LSAMP: variants seen among roughly 807,000 people sequenced by gnomAD.
LSAMP encodes the protein limbic system-associated membrane protein.
In LSAMP, 7 loss-of-function variants were observed where a neutral mutation model predicts 38.6. That is an observed-to-expected ratio of 0.18 (90% CI 0.10 to 0.34). The LOEUF is 0.34. Ranked by LOEUF, LSAMP falls within the 10% of genes least tolerant of loss-of-function variation. LSAMP has a pLI of 1.00. For missense variants in LSAMP, 313 were observed against 420.0 expected, an observed-to-expected ratio of 0.75 and a Z score of 2.23; for synonymous variants, 154 against 166.8, an observed-to-expected ratio of 0.92 and a Z score of 0.59.
intron 3 of LSAMP, among the ~76,000 whole-genome samples, chr3:115,880,288 C>T (rs1936288353): frequency 6.6e-6 from 1 of 152,114 alleles, no homozygotes; most frequent in African/African-American, 2.4e-5. Context: ...TTAATGGCAT[C>T]ATGTTATAGA....
intron 1 of LSAMP, among the ~76,000 whole-genome samples, chr3:116,244,762 G>C (rs188569665): frequency 6.6e-6 from 1 of 152,116 alleles, no homozygotes; most frequent in East Asian, 1.9e-4. Context: ...ACACATAGTA[G>C]GTGTTTAATA....
intron 1 of LSAMP, among the ~76,000 whole-genome samples, chr3:116,143,008 A>C (rs907747588): frequency 4.0e-5 from 6 of 148,938 alleles, no homozygotes; most frequent in Non-Finnish European, 8.9e-5. Context: ...AATATAACTT[A>C]TTATATATAA....
At chr3:116,124,911 ATAAC>A (rs1215740068) in intron 1 of LSAMP, among the ~76,000 whole-genome samples, 2 of 152,246 alleles carry the variant, frequency 1.3e-5, no homozygotes, top group African/African-American at 4.8e-5. Context: ...TGCATAGTAA[ATAAC>A]TGACTGATTT....
At chr3:115,955,372 G>C (rs1486532085) in intron 3 of LSAMP, among the ~76,000 whole-genome samples, 7 of 151,914 alleles carry the variant, frequency 4.6e-5, no homozygotes, top group Non-Finnish European at 1.0e-4. Flanking sequence ...ATTTTTTCCT[G>C]ATAGTTTCTT....
intron 1 of LSAMP, among the ~76,000 whole-genome samples, chr3:116,392,611 G>A (rs946699096): frequency 2.6e-5 from 4 of 152,226 alleles, no homozygotes; most frequent in African/African-American, 7.2e-5. Flanking sequence ...AAGCTCCTGG[G>A]TGGAACCAGG....
At chr3:115,907,234 G>A (rs1460256258) in intron 3 of LSAMP, among the ~76,000 whole-genome samples, 4 of 151,894 alleles carry the variant, frequency 2.6e-5, no homozygotes, top group African/African-American at 9.7e-5. Flanking sequence ...CATTGCTAAG[G>A]TCTGAATGTT....
intron 1 of LSAMP, among the ~76,000 whole-genome samples, chr3:116,433,383 C>T (rs1159223464): frequency 6.6e-6 from 1 of 152,070 alleles, no homozygotes; most frequent in Non-Finnish European, 1.5e-5. Flanking sequence ...AACAGTAATG[C>T]ATTATTTTAT....
At chr3:116,178,579 G>A (rs902032294) in intron 1 of LSAMP, among the ~76,000 whole-genome samples, 4 of 152,126 alleles carry the variant, frequency 2.6e-5, no homozygotes, top group Admixed American at 1.3e-4. Flanking sequence ...GTATGAAATA[G>A]AGGAAATATA....
Position 116,144,212 on chromosome 3 carries a change from C to T in LSAMP, c.156-57656G>A, listed in dbSNP as rs186413087. Among the ~76,000 whole-genome samples, 575 of 152,012 alleles carry T rather than the reference C, an allele frequency of 3.8e-3. 2 individuals carry two copies. The highest frequency in any genetic ancestry group is 6.4e-3 in the Non-Finnish European group (438 of 67,926). On this transcript the variant is annotated intron_variant, in intron 1 of 6. Transcript: ENST00000490035. ...TTTGTGCAGGGCTTTATATATGCTT[C>T]CACTTAAGCTCATTAACTCTGTTGT...
At chr3:116,301,952 C>T (rs2047415355) in intron 1 of LSAMP, among the ~76,000 whole-genome samples, 1 of 152,174 alleles carries the variant, frequency 6.6e-6, no homozygotes, top group Non-Finnish European at 1.5e-5. Context: ...ACATTTCCAT[C>T]ACCCAGAGCA....
chr3:115,847,308 A>C (rs1935190932), intron 4 of LSAMP, among the ~76,000 whole-genome samples: 1 of 152,232 alleles, frequency 6.6e-6, no homozygotes, highest in Non-Finnish European at 1.5e-5. Context: ...CAGAGGATGT[A>C]GGCCATAAGA....
chr3:116,114,319 G>C (rs1217304892), intron 1 of LSAMP, among the ~76,000 whole-genome samples: 1 of 152,146 alleles, frequency 6.6e-6, no homozygotes, highest in Non-Finnish European at 1.5e-5. Context: ...AAAGCTCTCT[G>C]TGCTAGCTTA....
chr3:116,413,580 C>A (rs1346722549), intron 1 of LSAMP, among the ~76,000 whole-genome samples: 1 of 151,956 alleles, frequency 6.6e-6, no homozygotes, highest in Non-Finnish European at 1.5e-5. Flanking sequence ...GATTCAGTCA[C>A]CATGAGCAAA....
At chr3:116,216,533 A>G (rs1218412602) in intron 1 of LSAMP, among the ~76,000 whole-genome samples, 2 of 151,644 alleles carry the variant, frequency 1.3e-5, no homozygotes, top group Non-Finnish European at 2.9e-5. Context: ...TGGTATGGGC[A>G]TGGGAGGATC....
rs76129229 is a variant in LSAMP at position 115,916,288 on chromosome 3, G to T, written c.515-63671C>A. Among the ~76,000 whole-genome samples the T allele has an allele frequency of 9.2e-3, 1,398 of 152,244 alleles. 6 individuals carry two copies. The highest frequency in any genetic ancestry group is 0.014 in the Non-Finnish European group (968 of 68,026). On this transcript the variant is annotated intron_variant, in intron 3 of 6. Coordinates refer to ENST00000490035, the MANE Select transcript of LSAMP (RefSeq NM_002338.5). Reference sequence around the variant, plus strand: ...GAAAAACAATGGAGAGCTGCAAGGGGCTCAGCAGCCAAGATAAAAACAGAC... The same window carrying T: ...GAAAAACAATGGAGAGCTGCAAGGGTCTCAGCAGCCAAGATAAAAACAGAC...
intron 1 of LSAMP, among the ~76,000 whole-genome samples, chr3:116,413,003 G>A (rs1208415313): frequency 6.6e-6 from 1 of 152,000 alleles, no homozygotes; most frequent in Non-Finnish European, 1.5e-5. Flanking sequence ...CTCAAAATGT[G>A]GTTTCTTAGA....
intron 3 of LSAMP, among the ~76,000 whole-genome samples, chr3:116,009,893 C>A (rs563386964): frequency 6.6e-6 from 1 of 152,118 alleles, no homozygotes; most frequent in African/African-American, 2.4e-5. Context: ...AAGAAATTTG[C>A]AATAGACATT....
intron 3 of LSAMP, among the ~76,000 whole-genome samples, chr3:115,858,612 C>T (rs1051087511): frequency 7.9e-5 from 12 of 152,100 alleles, no homozygotes; most frequent in East Asian, 1.9e-4. Flanking sequence ...TACTCACCTA[C>T]GTTTGAATAT....
chr3:116,187,636 A>G (rs1285940222), intron 1 of LSAMP, among the ~76,000 whole-genome samples: 1 of 152,018 alleles, frequency 6.6e-6, no homozygotes, highest in African/African-American at 2.4e-5. Context: ...TAGATATTAC[A>G]CAGTAAGGTA....
Sources: gnomAD v4.1 joint callset for allele counts (sites outside exome capture counted in the v4.1 genomes callset) on GRCh38, gnomAD v4.1.1 for gene constraint, MANE v1.5 for transcripts, NCBI Gene and HGNC (gene_info 2026-07-23, HGNC 2026-07-21) for gene names.